MEGF11: variants seen among roughly 807,000 people sequenced by gnomAD.
MEGF11 encodes multiple epidermal growth factor-like domains protein 11.
A neutral mutation model predicts 146.6 loss-of-function variants in MEGF11; 126 were observed. That is an observed-to-expected ratio of 0.86 (90% CI 0.74 to 1.00). The LOEUF is 1.00. MEGF11 is among the 50% of genes least tolerant of loss of function. The pLI, the probability that MEGF11 is intolerant of heterozygous loss-of-function variation, is 0.00. For missense variants in MEGF11, 1,509 were observed against 1,521.2 expected (o/e 0.99, Z 0.13); for synonymous variants, 532 against 583.4 (o/e 0.91, Z 1.27).
intron 1 of MEGF11, among the ~76,000 whole-genome samples, chr15:66,200,329 C>T (rs1184870670): frequency 1.3e-5 from 2 of 152,164 alleles, no homozygotes; most frequent in Non-Finnish European, 2.9e-5. Context: ...AAAACAGAAA[C>T]AAACAGTGGT....
At chr15:66,093,080 G>A (rs2086385884) in intron 5 of MEGF11, among the ~76,000 whole-genome samples, 1 of 152,166 alleles carries the variant, frequency 6.6e-6, no homozygotes, top group Non-Finnish European at 1.5e-5. Context: ...TCCCAGTCAT[G>A]GCTCACTCAA....
intron 5 of MEGF11, among the ~76,000 whole-genome samples, chr15:65,989,438 C>T (rs1030135905): frequency 6.6e-6 from 1 of 152,186 alleles, no homozygotes; most frequent in Non-Finnish European, 1.5e-5. Flanking sequence ...GGTCTGTGGC[C>T]CCCAATCTTC....
At chr15:65,955,186 C>T (rs542064088) in intron 10 of MEGF11, among the ~76,000 whole-genome samples, 7 of 152,242 alleles carry the variant, frequency 4.6e-5, no homozygotes, top group South Asian at 2.1e-4. Flanking sequence ...CACTTGGCTA[C>T]GTGAGATTTT....
chr15:66,010,413 G>A (rs2082675912), intron 5 of MEGF11, among the ~76,000 whole-genome samples: 1 of 151,858 alleles, frequency 6.6e-6, no homozygotes, highest in Non-Finnish European at 1.5e-5. Context: ...GGCTGGTCTC[G>A]AACTCCTGGC....
chr15:66,065,202 G>A (rs2085073220), intron 5 of MEGF11, among the ~76,000 whole-genome samples: 1 of 151,732 alleles, frequency 6.6e-6, no homozygotes, highest in South Asian at 2.1e-4. Context: ...TTCTTTGGCA[G>A]TTATCAGAAA....
intron 5 of MEGF11, among the ~76,000 whole-genome samples, chr15:66,045,491 TGGCTCA>T (rs1362094823): frequency 6.6e-6 from 1 of 152,196 alleles, no homozygotes; most frequent in Non-Finnish European, 1.5e-5. Flanking sequence ...CAGGACCCCT[TGGCTCA>T]GCATCTCAGC....
At chr15:66,195,186 A>C (rs1219846160) in intron 1 of MEGF11, among the ~76,000 whole-genome samples, 1 of 152,188 alleles carries the variant, frequency 6.6e-6, no homozygotes, top group African/African-American at 2.4e-5. Flanking sequence ...GATGCCAGTC[A>C]TATTGGATTT....
intron 23 of MEGF11, 101 bp from the exon 24 acceptor site, chr15:65,906,242 C>T (rs1002787303): frequency 1.3e-5 from 10 of 799,556 alleles, no homozygotes; most frequent in Admixed American, 9.9e-5. Context: ...CCCCTTCTCC[C>T]CTACCCAGAA....
At chr15:66,083,092 G>A (rs966171497) in intron 5 of MEGF11, among the ~76,000 whole-genome samples, 2 of 152,162 alleles carry the variant, frequency 1.3e-5, no homozygotes, top group African/African-American at 4.8e-5. Context: ...ACTCCCTGAT[G>A]TACTTTCCAA....
intron 4 of MEGF11, among the ~76,000 whole-genome samples, chr15:66,110,335 G>C (rs1003185937): frequency 1.3e-5 from 2 of 152,188 alleles, no homozygotes; most frequent in Non-Finnish European, 2.9e-5. Context: ...TTATGAGTTT[G>C]GTCAGTGTGA....
At chr15:65,952,305 G>A (rs1314793651) in intron 10 of MEGF11, among the ~76,000 whole-genome samples, 1 of 152,124 alleles carries the variant, frequency 6.6e-6, no homozygotes, top group African/African-American at 2.4e-5. Flanking sequence ...CAAAGGCCTG[G>A]GATTTGAGGT....
intron 2 of MEGF11, among the ~76,000 whole-genome samples, chr15:66,124,542 C>A (rs774769148): frequency 2.0e-5 from 3 of 152,242 alleles, no homozygotes; most frequent in Non-Finnish European, 4.4e-5. Flanking sequence ...CAATACGTTT[C>A]ATTCCTCACA....
intron 10 of MEGF11, among the ~76,000 whole-genome samples, chr15:65,937,039 C>T (rs1220690155): frequency 6.6e-6 from 1 of 152,186 alleles, no homozygotes; most frequent in Non-Finnish European, 1.5e-5. Context: ...CTAGAGTATC[C>T]ACTCTGGGAG....
chr15:66,063,787 G>A (rs2085004810), intron 5 of MEGF11, among the ~76,000 whole-genome samples: 1 of 152,326 alleles, frequency 6.6e-6, no homozygotes, highest in Non-Finnish European at 1.5e-5. Flanking sequence ...AATCTGTGGA[G>A]GAAAGGGATA....
intron 5 of MEGF11, among the ~76,000 whole-genome samples, chr15:66,003,230 G>C (rs575619896): frequency 6.6e-6 from 1 of 152,214 alleles, no homozygotes; most frequent in African/African-American, 2.4e-5. Flanking sequence ...CTGATGTCAA[G>C]TGATCTGCCT....
intron 10 of MEGF11, among the ~76,000 whole-genome samples, chr15:65,947,077 C>A (rs1194050554): frequency 6.6e-6 from 1 of 151,950 alleles, no homozygotes; most frequent in Non-Finnish European, 1.5e-5. Context: ...TTGCATTTAC[C>A]CCCATTGTTA....
chr15:66,128,812 C>G (rs1207023956), intron 1 of MEGF11, among the ~76,000 whole-genome samples: 3 of 152,142 alleles, frequency 2.0e-5, no homozygotes, highest in Non-Finnish European at 4.4e-5. Context: ...TATCCCTCAT[C>G]ATTGACATTC....
At chr15:66,208,033 T>C (rs1234698631) in intron 1 of MEGF11, among the ~76,000 whole-genome samples, 1 of 149,438 alleles carries the variant, frequency 6.7e-6, no homozygotes, top group Non-Finnish European at 1.5e-5. Flanking sequence ...TGCAGTGAGC[T>C]GAGATCACAC....
intron 21 of MEGF11, among the ~76,000 whole-genome samples, chr15:65,910,985 C>T (rs2078785815): frequency 6.6e-6 from 1 of 152,196 alleles, no homozygotes; most frequent in African/African-American, 2.4e-5. Context: ...TTCCTCACTT[C>T]TTGTTTCCCA....
Sources: gnomAD v4.1 joint callset for allele counts (sites outside exome capture counted in the v4.1 genomes callset) on GRCh38, gnomAD v4.1.1 for gene constraint, MANE v1.5 for transcripts, NCBI Gene and HGNC (gene_info 2026-07-23, HGNC 2026-07-21) for gene names.